Variants in LRRFIP2 observed in about 807,000 individuals in gnomAD.
The protein encoded by LRRFIP2 is LRR binding FLII interacting protein 2, also known as leucine-rich repeat flightless-interacting protein 2.
LRRFIP2 carries 109 observed loss-of-function variants against 125.9 expected under a neutral mutation model. That is an observed-to-expected ratio of 0.87 (90% CI 0.74 to 1.01). The LOEUF is 1.01. LRRFIP2 is among the 50% of genes least tolerant of loss of function. The probability of loss-of-function intolerance (pLI) is 0.00; values close to 1 mark genes in which losing one functional copy is unlikely to be tolerated. For missense variants in LRRFIP2, 850 were observed against 862.3 expected, an observed-to-expected ratio of 0.99 and a Z score of 0.18; for synonymous variants, 291 against 293.1, an observed-to-expected ratio of 0.99 and a Z score of 0.07.
chr3:37,068,057 C>G (rs1023804369), intron 21 of LRRFIP2: 5 of 152,204 alleles, frequency 3.3e-5, no homozygotes, highest in Non-Finnish European at 7.3e-5. Flanking sequence ...TGATGTGTCT[C>G]AAGTCTGCCT....
At chr3:37,108,611 C>T (rs1377650849) in intron 12 of LRRFIP2, 26 bp downstream of exon 12, 17 of 1,589,864 alleles carry the variant, frequency 1.1e-5, no homozygotes, top group Non-Finnish European at 1.5e-5. Context: ...CCCTCCTCTT[C>T]ACCACCTTCC....
At chr3:37,149,315 C>T (rs1389374430) in intron 1 of LRRFIP2, among the ~76,000 whole-genome samples, 1 of 152,086 alleles carries the variant, frequency 6.6e-6, no homozygotes, top group East Asian at 1.9e-4. Flanking sequence ...ATTACTATAG[C>T]TGGGCAGCCT....
intron 2 of LRRFIP2, among the ~76,000 whole-genome samples, chr3:37,148,199 C>T (rs1447884894): frequency 2.0e-5 from 3 of 152,090 alleles, no homozygotes; most frequent in Non-Finnish European, 2.9e-5. Context: ...ATAACAAGTA[C>T]ATGGAACTCA....
rs900742021 is a variant in LRRFIP2, at chr3:37,078,425, G to A, written c.1279-3309C>T. On this transcript the variant is annotated intron_variant, in intron 19 of 27. Transcript: ENST00000336686. ...TGGTATTGCTATTCTAGGCAACTTC[G>A]GATAAAGCAAAGAGAACAGAACGTA... 5.3e-5 allele frequency among the ~76,000 whole-genome samples: 8 copies of A among 151,972 alleles called. No individual in the cohort carries two copies. In the South Asian group the frequency reaches 6.2e-4, roughly 12 times the overall value.
chr3:37,059,014 AG>A, intron 24 of LRRFIP2, 104 bp from the exon 25 acceptor site: 1 of 1,414,252 alleles, frequency 7.1e-7, no homozygotes, highest in Admixed American at 1.9e-5. Flanking sequence ...TTATCGTATC[AG>A]CCACATTCAT....
chr3:37,053,761 A>G lies in LRRFIP2; in HGVS notation c.*90T>C. On this transcript the variant is annotated 3_prime_UTR_variant, in exon 28 of 28. Transcript: ENST00000336686. ...CTGTTTTAATGACAAAACTCAAAAC[A>G]GTACTAAAAGGGGTTTGTGTCAATG... 3 of 775,206 alleles carry G rather than the reference A, an allele frequency of 3.9e-6. No individual in the cohort carries two copies. Among genetic ancestry groups the G allele is most frequent in the Non-Finnish European group, 6.8e-6 (3 of 440,626 alleles). The allele number at this position is 775,206 out of a possible 1,614,324, so 48.0% of individuals were successfully genotyped here. A position where few individuals can be genotyped will look rare whatever the true frequency, so the allele number is the denominator to read the frequency against.
Position 37,102,993 on chromosome 3 carries a change from G to C in LRRFIP2, c.804C>G (p.Phe268Leu), listed in dbSNP as rs757864606. ...RESVVSAADYFSRSNRRGSVV... is the reference protein window; with the variant it reads ...RESVVSAADYLSRSNRRGSVV... Reference sequence around the variant, plus strand: ...CACTTCCCCTACGATTGGAGCGACTGAAATAATCAGCGGCAGATACCTTTC... The same window carrying C: ...CACTTCCCCTACGATTGGAGCGACTCAAATAATCAGCGGCAGATACCTTTC... Residue 268 changes from phenylalanine to leucine, a missense_variant, in exon 15 of 28, where the codon TTC becomes TTG. Transcript: ENST00000336686. 5 of 1,563,650 alleles carry C rather than the reference G, an allele frequency of 3.2e-6. No homozygotes were observed. Among genetic ancestry groups the C allele is most frequent in the Non-Finnish European group, 3.5e-6 (4 of 1,152,292 alleles).
chr3:37,073,879 A>C (rs2091657131), intron 20 of LRRFIP2, among the ~76,000 whole-genome samples: 1 of 152,262 alleles, frequency 6.6e-6, no homozygotes. Flanking sequence ...AAAAGATAAA[A>C]GAACAAAAAG....
chr3:37,126,053 CAG>C (rs1447592834), intron 4 of LRRFIP2, among the ~76,000 whole-genome samples: 1 of 151,014 alleles, frequency 6.6e-6, no homozygotes, highest in Non-Finnish European at 1.5e-5. Context: ...GTTTGAGACA[CAG>C]TCTCACTCTG....
intron 20 of LRRFIP2, 115 bp downstream of exon 20, chr3:37,074,907 CAA>C: frequency 1.5e-6 from 1 of 674,302 alleles, no homozygotes; most frequent in Non-Finnish European, 2.6e-6. Context: ...AGTGTACAGT[CAA>C]ATATAAAGAG....
intron 19 of LRRFIP2, among the ~76,000 whole-genome samples, chr3:37,078,498 T>C (rs964125839): frequency 2.6e-5 from 4 of 152,166 alleles, no homozygotes; most frequent in African/African-American, 9.7e-5. Flanking sequence ...GGAATTGTAG[T>C]GTAGGGGAAA....
intron 6 of LRRFIP2, among the ~76,000 whole-genome samples, chr3:37,120,471 T>C (rs1431855436): frequency 6.6e-6 from 1 of 152,182 alleles, no homozygotes; most frequent in Non-Finnish European, 1.5e-5. Flanking sequence ...CTTAGTAACT[T>C]ACTCTAAAAA....
At chr3:37,110,914 T>A in intron 9 of LRRFIP2, 77 bp downstream of exon 9, 1 of 1,378,990 alleles carries the variant, frequency 7.3e-7, no homozygotes, top group Non-Finnish European at 1.0e-6. Context: ...TTACAGCTAG[T>A]CAAAATGCAA....
chr3:37,114,304 G>C (rs930375101), intron 7 of LRRFIP2, among the ~76,000 whole-genome samples: 2 of 152,108 alleles, frequency 1.3e-5, no homozygotes, highest in Admixed American at 6.6e-5. Flanking sequence ...GGACATAACT[G>C]ATGTCTTAGG....
At chr3:37,156,267 C>T (rs1217481891) in intron 1 of LRRFIP2, among the ~76,000 whole-genome samples, 1 of 151,884 alleles carries the variant, frequency 6.6e-6, no homozygotes, top group Non-Finnish European at 1.5e-5. Flanking sequence ...GTTGCTTGAG[C>T]CCAGGAGTTT....
Position 37,148,960 on chromosome 3 carries a change from C to T in LRRFIP2, c.24G>A (p.Arg8=), listed in dbSNP as rs1211666781. Residue 8 remains arginine (R), a synonymous_variant, in exon 2 of 28, where the codon AGG becomes AGA. Transcript: ENST00000336686. MGTPASG[R]KRTPVKDRFS... The stretch of plus-strand genomic sequence containing the variant: ...ATCGGTCTTTCACAGGTGTTCTTTT[C>T]CTTCCAGAAGCAGGAGTCCCCATCT... The T allele has an allele frequency of 3.1e-6, 5 of 1,614,014 alleles. No homozygotes were observed. The highest frequency in any genetic ancestry group is 4.2e-6 in the Non-Finnish European group (5 of 1,179,946).
chr3:37,124,607 T>C (rs1405080373), intron 4 of LRRFIP2, among the ~76,000 whole-genome samples: 3 of 152,182 alleles, frequency 2.0e-5, no homozygotes, highest in Non-Finnish European at 4.4e-5. Flanking sequence ...GTAAGAAAGT[T>C]GCAGCACAGA....
chr3:37,067,521 G>T (rs984364466), intron 21 of LRRFIP2: 1 of 152,134 alleles, frequency 6.6e-6, no homozygotes, highest in Non-Finnish European at 1.5e-5. Flanking sequence ...TTTCCTCTCA[G>T]TTCACTGGGT....
rs1177989162 is a variant in LRRFIP2, at chr3:37,052,786, C to T, written c.*1065G>A. The T allele has an allele frequency of 6.6e-6, 1 of 152,064 alleles. No homozygotes were observed. Among genetic ancestry groups the T allele is most frequent in the Non-Finnish European group, 1.5e-5 (1 of 68,020 alleles). The allele number at this position is 152,064 out of a possible 1,614,324, so 9.4% of individuals were successfully genotyped here. ...TCATTTCTATAAAACCACCTGGGTACTAAGAGCAAAAGAGAATCATAAATT... is the reference window on the plus strand; with the variant it reads ...TCATTTCTATAAAACCACCTGGGTATTAAGAGCAAAAGAGAATCATAAATT... On this transcript the variant is annotated 3_prime_UTR_variant, in exon 28 of 28. Coordinates refer to ENST00000336686, the MANE Select transcript of LRRFIP2 (RefSeq NM_006309.4).
Sources: gnomAD v4.1 joint callset for allele counts (sites outside exome capture counted in the v4.1 genomes callset) on GRCh38, gnomAD v4.1.1 for gene constraint, MANE v1.5 for transcripts, NCBI Gene and HGNC (gene_info 2026-07-23, HGNC 2026-07-21) for gene names.